TACR1: variants seen among roughly 807,000 people sequenced by gnomAD.
The protein encoded by TACR1 is substance-P receptor.
Under a neutral mutation model 35.8 loss-of-function variants are expected in TACR1, and 25 were observed. The observed-to-expected ratio is 0.70, with a 90% CI of 0.51 to 0.98. TACR1 has a LOEUF of 0.98. Ranked by LOEUF, TACR1 falls within the 50% of genes least tolerant of loss-of-function variation. The pLI, the probability that TACR1 is intolerant of heterozygous loss-of-function variation, is 0.00. For missense variants in TACR1, 478 were observed against 522.9 expected (o/e 0.91, Z 0.84); for synonymous variants, 195 against 206.7 (o/e 0.94, Z 0.48).
At chr2:75,176,590 C>G (rs1245921829) in intron 1 of TACR1, among the ~76,000 whole-genome samples, 1 of 152,088 alleles carries the variant, frequency 6.6e-6, no homozygotes, top group Non-Finnish European at 1.5e-5. Context: ...CTGGGGGAGG[C>G]CGCTAGCCAT....
chr2:75,143,163 C>T (rs1293205768), intron 1 of TACR1, among the ~76,000 whole-genome samples: 2 of 152,110 alleles, frequency 1.3e-5, no homozygotes, highest in Non-Finnish European at 2.9e-5. Flanking sequence ...TTTGGTTGGG[C>T]TATAGTCTGA....
chr2:75,052,106 T>G (rs543419063), intron 3 of TACR1, among the ~76,000 whole-genome samples: 11 of 152,348 alleles, frequency 7.2e-5, no homozygotes, highest in Middle Eastern at 3.4e-3. Context: ...TCTGAATGTT[T>G]GTGTCACTTC....
chr2:75,050,364 T>C (rs1004200346), intron 4 of TACR1, among the ~76,000 whole-genome samples: 1 of 152,158 alleles, frequency 6.6e-6, no homozygotes, highest in Non-Finnish European at 1.5e-5. Flanking sequence ...TCCCCAAATT[T>C]CTAGTACCTG....
At position 75,053,614 on chromosome 2, in the gene TACR1, G is replaced by C. The variant is rs758607840; in HGVS notation, c.726C>G (p.Ala242=). The change falls in exon 3 of 5, where the codon GCC becomes GCG. Residue 242 remains alanine (A), a synonymous_variant. Transcript: ENST00000305249. The stretch of plus-strand genomic sequence containing the variant: ...CCTGTCCCCTGCTCACCTTGCGCTT[G>C]GCAGAGACTTGCTCGTGGTAGCGGT... The part of the protein sequence containing the change: ...SSDRYHEQVS[A]KRKVVKMMIV... 1 of 1,549,782 alleles carries C rather than the reference G, an allele frequency of 6.5e-7. No homozygotes were observed. Among genetic ancestry groups the C allele is most frequent in the East Asian group, 2.3e-5 (1 of 43,434 alleles).
At chr2:75,071,522 C>T (rs1023719582) in intron 2 of TACR1, among the ~76,000 whole-genome samples, 9 of 152,224 alleles carry the variant, frequency 5.9e-5, no homozygotes, top group Admixed American at 3.3e-4. Context: ...TTCTTCATTT[C>T]GTGCACATTA....
Position 75,069,681 on chromosome 2 carries a change from G to A in TACR1, c.585-15926C>T, listed in dbSNP as rs573540424. ...GACTTTCCTTGTTTTTGATAACATT[G>A]ACTGTTTTGAGGAGTATTGGTCAGA... is the stretch of plus-strand genomic sequence containing the variant. On this transcript the variant is annotated intron_variant, in intron 2 of 4. Coordinates refer to ENST00000305249, the MANE Select transcript of TACR1 (RefSeq NM_001058.4). 2.6e-5 allele frequency among the ~76,000 whole-genome samples: 4 copies of A among 152,260 alleles called. 1 individual carries two copies. Among genetic ancestry groups the A allele is most frequent in the African/African-American group, 9.6e-5 (4 of 41,544 alleles).
At chr2:75,111,182 T>A (rs3771816) in intron 2 of TACR1, among the ~76,000 whole-genome samples, 24,329 of 151,930 alleles carry the variant, frequency 0.16, 2,613 homozygotes, top group East Asian at 0.49. Flanking sequence ...TTTAACAAAC[T>A]CATCTATAAC....
intron 2 of TACR1, among the ~76,000 whole-genome samples, chr2:75,076,749 C>T (rs547038496): frequency 6.6e-6 from 1 of 152,292 alleles, no homozygotes; most frequent in African/African-American, 2.4e-5. Context: ...CTGCTTGTCT[C>T]TACATCTCTT....
At chr2:75,186,391 A>G (rs1675702434) in intron 1 of TACR1, among the ~76,000 whole-genome samples, 1 of 150,728 alleles carries the variant, frequency 6.6e-6, no homozygotes, top group Non-Finnish European at 1.5e-5. Flanking sequence ...AAAAAAAAAA[A>G]AGAAAGAAAG....
rs1675519137 is a variant in TACR1 at position 75,179,797 on chromosome 2, A to G, written c.389+18749T>C. 1.3e-5 allele frequency among the ~76,000 whole-genome samples: 2 copies of G among 152,218 alleles called. 1 individual carries two copies. The highest frequency in any genetic ancestry group is 4.1e-4 in the South Asian group (2 of 4,826). On this transcript the variant is annotated intron_variant, in intron 1 of 4. Transcript: ENST00000305249. ...GATGGAAACAACCTGCAACCAAGTA[A>G]TATTTTCAGGGAGGTTCTCAGGACA...
At chr2:75,149,858 A>G (rs1367311847) in intron 1 of TACR1, among the ~76,000 whole-genome samples, 1 of 152,052 alleles carries the variant, frequency 6.6e-6, no homozygotes, top group African/African-American at 2.4e-5. Context: ...CCCATTCAGT[A>G]TGATATTAGC....
At chr2:75,179,548 G>A (rs754187898) in intron 1 of TACR1, among the ~76,000 whole-genome samples, 16 of 152,184 alleles carry the variant, frequency 1.1e-4, no homozygotes, top group Non-Finnish European at 2.1e-4. Context: ...TCTTGTGGTG[G>A]TAGAGAATTT....
At chr2:75,095,424 GACAAC>G (rs1369916739) in intron 2 of TACR1, among the ~76,000 whole-genome samples, 1 of 152,190 alleles carries the variant, frequency 6.6e-6, no homozygotes, top group Non-Finnish European at 1.5e-5. Flanking sequence ...AAGGAGTCTG[GACAAC>G]CTCACAGAAG....
At chr2:75,093,666 TTC>T (rs1673353154) in intron 2 of TACR1, among the ~76,000 whole-genome samples, 1 of 152,136 alleles carries the variant, frequency 6.6e-6, no homozygotes, top group African/African-American at 2.4e-5. Flanking sequence ...AACTAGCACA[TTC>T]TGTTTGATTT....
Position 75,094,576 on chromosome 2 carries a change from T to C in TACR1, c.584+25998A>G, listed in dbSNP as rs116327575. Among the ~76,000 whole-genome samples the C allele has an allele frequency of 9.7e-3, 1,480 of 152,054 alleles. 20 individuals are homozygous for C. Among genetic ancestry groups the C allele is most frequent in the African/African-American group, 0.034 (1,416 of 41,406 alleles). ...AGACAGTGAGTTGTGGTGCTTGTGG[T>C]GATAATGGCAGTGGTTGCATTGGTG... On this transcript the variant is annotated intron_variant, in intron 2 of 4. Coordinates refer to ENST00000305249, the MANE Select transcript of TACR1 (RefSeq NM_001058.4).
At chr2:75,182,816 A>G (rs1675590126) in intron 1 of TACR1, among the ~76,000 whole-genome samples, 4 of 152,202 alleles carry the variant, frequency 2.6e-5, no homozygotes, top group African/African-American at 9.7e-5. Flanking sequence ...TTGCACAATG[A>G]CAAAATCACC....
intron 1 of TACR1, among the ~76,000 whole-genome samples, chr2:75,139,999 C>T (rs1405112082): frequency 6.6e-6 from 1 of 152,138 alleles, no homozygotes; most frequent in Non-Finnish European, 1.5e-5. Flanking sequence ...ATCTGCTTTT[C>T]TTTCTTTTAA....
At chr2:75,127,412 G>A (rs73935544) in intron 1 of TACR1, among the ~76,000 whole-genome samples, 3,318 of 152,090 alleles carry the variant, frequency 0.022, 123 homozygotes, top group African/African-American at 0.074. Context: ...CAGAGTCTTC[G>A]CATCCTCACT....
chr2:75,100,475 G>A (rs916453992), intron 2 of TACR1, among the ~76,000 whole-genome samples: 2 of 152,044 alleles, frequency 1.3e-5, no homozygotes, highest in African/African-American at 4.8e-5. Flanking sequence ...TCCTCCAAAT[G>A]CCATATGACT....
Sources: gnomAD v4.1 joint callset for allele counts (sites outside exome capture counted in the v4.1 genomes callset) on GRCh38, gnomAD v4.1.1 for gene constraint, MANE v1.5 for transcripts, NCBI Gene and HGNC (gene_info 2026-07-23, HGNC 2026-07-21) for gene names.